DNAH1: variants seen among roughly 807,000 people sequenced by gnomAD.
DNAH1 encodes axonemal beta dynein heavy chain 1.
Under a neutral mutation model 484.3 loss-of-function variants are expected in DNAH1, and 327 were observed. That is an observed-to-expected ratio of 0.68 (90% CI 0.62 to 0.74). The LOEUF is 0.74. Ranked by LOEUF, DNAH1 falls within the 30% of genes least tolerant of loss-of-function variation. DNAH1 has a pLI of 0.00. For missense variants in DNAH1, 5,052 were observed against 5,546.8 expected (o/e 0.91, Z 2.83); for synonymous variants, 2,192 against 2,191.9 (o/e 1.00, Z 0.00).
At chr3:52,329,145 T>C (rs1295712101) in intron 6 of DNAH1, among the ~76,000 whole-genome samples, 1 of 152,202 alleles carries the variant, frequency 6.6e-6, no homozygotes, top group African/African-American at 2.4e-5. Flanking sequence ...CCAGAAGGTT[T>C]GGGGCTGCAT....
At chr3:52,384,069 C>T in intron 52 of DNAH1, 38 bp downstream of exon 52, 1 of 1,531,212 alleles carries the variant, frequency 6.5e-7, no homozygotes, top group Non-Finnish European at 8.8e-7. Flanking sequence ...TTGGGGAGAC[C>T]TGTTTAGCTT....
At chr3:52,372,195 C>T (rs1187376365) in intron 42 of DNAH1, 32 bp from the exon 43 acceptor site, 22 of 1,612,300 alleles carry the variant, frequency 1.4e-5, no homozygotes, top group East Asian at 6.7e-5. Context: ...CCAGGCCCAC[C>T]GCATGCTCCT....
At chr3:52,385,521 C>T (rs1314895732) in intron 54 of DNAH1, 74 bp downstream of exon 54, 25 of 1,249,146 alleles carry the variant, frequency 2.0e-5, no homozygotes, top group Non-Finnish European at 2.2e-5. Flanking sequence ...GGCGCAGGCT[C>T]GCTAGCTGCC....
Position 52,355,180 on chromosome 3 carries a change from C to A in DNAH1, c.3693+125C>A. 1 of 954,010 alleles carries A rather than the reference C, an allele frequency of 1.0e-6. No homozygotes were observed. The highest frequency in any genetic ancestry group is 2.1e-5 in the Admixed American group (1 of 48,018). The allele number at this position is 954,010 out of a possible 1,614,324, so 59.1% of individuals were successfully genotyped here. On this transcript the variant is annotated intron_variant, in intron 21 of 77. Transcript: ENST00000420323. This position sits in a 1 kb window ranked among gnomAD's most constrained non-coding sequence, Gnocchi z 4.5. ...CAGTGCCTTGCCCTCATTCACACAG[C>A]CCCTGGCTCTCTGGCAGGCCCCGCC... is the stretch of plus-strand genomic sequence containing the variant.
At chr3:52,365,076 C>T in intron 34 of DNAH1, 57 bp downstream of exon 34, 3 of 1,563,140 alleles carry the variant, frequency 1.9e-6, no homozygotes, top group Admixed American at 3.5e-5. Context: ...CCTTGGAGTC[C>T]AGGTCAGGGG....
rs748375606 is a variant in DNAH1 at position 52,347,783 on chromosome 3, TC to T, written c.1956-39del. The T allele has an allele frequency of 1.2e-5, 18 of 1,523,346 alleles. No homozygotes were observed. The Admixed American group carries it at 3.7e-4, about 32-fold the overall frequency. 94.4% of individuals were successfully genotyped at this position (1,523,346 alleles called of 1,614,324 possible). ...AGAGGGCTGCTCCTGCACACAGGCCTCCTAGGCCTCTGCCCACAGTCAGCTC... is the reference window on the plus strand; with the variant it reads ...AGAGGGCTGCTCCTGCACACAGGCCTCTAGGCCTCTGCCCACAGTCAGCTC... On this transcript the variant is annotated intron_variant, in intron 11 of 77. Transcript: ENST00000420323.
In DNAH1 at chr3:52,393,253, A is replaced by G. The variant is rs1035687924; in HGVS notation, c.10475-81A>G. ...CAGGCTGCCCCTACGGCTGCTGGGG[A>G]GACTGGCTAGGCTGGGCTGGACCCC... On this transcript the variant is annotated intron_variant, in intron 65 of 77. Transcript: ENST00000420323. The G allele has an allele frequency of 3.1e-6, 5 of 1,587,738 alleles. No homozygotes were observed. The East Asian group carries it at 1.1e-4, about 36-fold the overall frequency.
At position 52,396,905 on chromosome 3, in the gene DNAH1, G is replaced by T; in HGVS notation, c.11648G>T (p.Gly3883Val). 1 of 1,613,486 alleles carries T rather than the reference G, an allele frequency of 6.2e-7. No individual in the cohort carries two copies. The highest frequency in any genetic ancestry group is 8.5e-7 in the Non-Finnish European group (1 of 1,179,846). The change falls in exon 73 of 78, where the codon GGC becomes GTC. Residue 3883 changes from glycine to valine, a missense_variant. Around this residue, in one of 4 missense-constraint regions of DNAH1, gnomAD observed 853 missense variants for 899.0 expected, o/e 0.95. Coordinates refer to ENST00000420323, the MANE Select transcript of DNAH1 (RefSeq NM_015512.5). ...ACGGCAGGGGAGATCAATTACGGGGGCCGTGTCACTGATGACTGGGACCGG... is the reference window on the plus strand; with the variant it reads ...ACGGCAGGGGAGATCAATTACGGGGTCCGTGTCACTGATGACTGGGACCGG... ...KYTAGEINYG[G>V]RVTDDWDRRC...
At chr3:52,336,964 A>G (rs1051165862) in intron 8 of DNAH1, among the ~76,000 whole-genome samples, 9 of 152,220 alleles carry the variant, frequency 5.9e-5, no homozygotes, top group Admixed American at 4.6e-4. Context: ...TAGTTCTGTG[A>G]AAAATGACTT....
upstream of DNAH1, among the ~76,000 whole-genome samples, chr3:52,315,972 C>A (rs924628131): frequency 4.6e-5 from 7 of 152,186 alleles, no homozygotes; most frequent in African/African-American, 1.4e-4. Context: ...AAAAGCAGCA[C>A]CCCCGACCCC....
In DNAH1 at chr3:52,349,427, G is replaced by GCCCACCTGCCCC; in HGVS notation, c.2526+8_2526+19dup. 1 of 1,610,888 alleles carries GCCCACCTGCCCC rather than the reference G, an allele frequency of 6.2e-7. No homozygotes were observed. The highest frequency in any genetic ancestry group is 8.5e-7 in the Non-Finnish European group (1 of 1,177,992). On this transcript the variant is annotated splice_region_variant and intron_variant, in intron 14 of 77. Transcript: ENST00000420323. ...GCATAAGGAGGTGGATAGCGTAAGT[G>GCCCACCTGCCCC]CCCACCTGCCCCGCCTCAGTGACCA... is the stretch of plus-strand genomic sequence containing the variant.
In DNAH1 at chr3:52,323,844, C is replaced by T; in HGVS notation, c.370C>T (p.Leu124=). The T allele has an allele frequency of 6.3e-7, 1 of 1,584,600 alleles. No homozygotes were observed. Among genetic ancestry groups the T allele is most frequent in the East Asian group, 2.3e-5 (1 of 43,214 alleles). The change falls in exon 3 of 78, where the codon CTG becomes TTG. Residue 124 remains leucine (L), a synonymous_variant. Coordinates refer to ENST00000420323, the MANE Select transcript of DNAH1 (RefSeq NM_015512.5). ...TGGCCCCCGAATGAGCCAGAACCTC[C>T]TGCGGCAGGCTGACCTTGACAAGTT... is the stretch of plus-strand genomic sequence containing the variant. ...CRGPRMSQNL[L]RQADLDKFTP... is the part of the protein sequence containing the mutation.
intron 16 of DNAH1, among the ~76,000 whole-genome samples, 155 bp from the exon 17 acceptor site, chr3:52,351,807 G>A (rs1487432694): frequency 1.3e-5 from 2 of 152,210 alleles, no homozygotes; most frequent in African/African-American, 4.8e-5. Context: ...CTTCGCAGCT[G>A]TCTGGCCCCA....
intron 5 of DNAH1, among the ~76,000 whole-genome samples, chr3:52,327,613 C>T (rs1701393579): frequency 6.6e-6 from 1 of 152,178 alleles, no homozygotes; most frequent in East Asian, 1.9e-4. Context: ...TCTGCCTGAG[C>T]CTCAGGTGGC....
chr3:52,359,418 C>T (rs1303347282), intron 26 of DNAH1, 32 bp downstream of exon 26: 3 of 1,558,490 alleles, frequency 1.9e-6, no homozygotes, highest in African/African-American at 2.7e-5. Context: ...GTCTGTCCCC[C>T]TCCACCCCCT....
chr3:52,383,665 C>T, intron 51 of DNAH1, 71 bp downstream of exon 51: 3 of 1,457,592 alleles, frequency 2.1e-6, no homozygotes, highest in South Asian at 1.4e-5. Context: ...GCCCCGGGGA[C>T]ACTGGATGCC....
At chr3:52,380,187 C>T in intron 48 of DNAH1, 52 bp downstream of exon 48, 1 of 1,490,662 alleles carries the variant, frequency 6.7e-7, no homozygotes, top group South Asian at 1.2e-5. Flanking sequence ...CTTCAATCTG[C>T]CTCCCTGGGG....
Position 52,393,109 on chromosome 3 carries a change from C to A in DNAH1, c.10474+84C>A. ...CCACTGTGGGGCACACACAAACTCACAACTGTGTTCACTGGCGTACACTCT... is the reference window on the plus strand; with the variant it reads ...CCACTGTGGGGCACACACAAACTCAAAACTGTGTTCACTGGCGTACACTCT... On this transcript the variant is annotated intron_variant, in intron 65 of 77. Transcript: ENST00000420323. 6.6e-6 allele frequency: 10 copies of A among 1,518,310 alleles called. No homozygotes were observed. In the South Asian group the frequency reaches 8.4e-5, roughly 13 times the overall value. The allele number at this position is 1,518,310 out of a possible 1,614,324, so 94.1% of individuals were successfully genotyped here. A position where few individuals can be genotyped will look rare whatever the true frequency, so the allele number is the denominator to read the frequency against.
intron 8 of DNAH1, among the ~76,000 whole-genome samples, chr3:52,338,813 G>A (rs1701824962): frequency 6.6e-6 from 1 of 151,008 alleles, no homozygotes; most frequent in Non-Finnish European, 1.5e-5. Context: ...ATCGCCTGAG[G>A]TCAGGAGTTT....
Sources: gnomAD v4.1 joint callset for allele counts (sites outside exome capture counted in the v4.1 genomes callset) on GRCh38, gnomAD v4.1.1 for gene constraint, gnomAD v4.1.1 regional missense constraint, Gnocchi (gnomAD v3.1) non-coding constraint, MANE v1.5 for transcripts, NCBI Gene and HGNC (gene_info 2026-07-23, HGNC 2026-07-21) for gene names.